Variants in CALN1 observed in about 807,000 individuals in gnomAD.
CALN1 encodes calcium-binding protein 8.
Under a neutral mutation model 30.6 loss-of-function variants are expected in CALN1, and 17 were observed. That is an observed-to-expected ratio of 0.56 (90% CI 0.38 to 0.83). CALN1 has a LOEUF of 0.83. CALN1 is among the 40% of genes least tolerant of loss of function. The pLI, the probability that CALN1 is intolerant of heterozygous loss-of-function variation, is 0.00. For synonymous variants in CALN1, 156 were observed against 131.4 expected (o/e 1.19, Z -1.28); for missense variants, 291 against 354.9 (o/e 0.82, Z 1.45).
intron 3 of CALN1, among the ~76,000 whole-genome samples, chr7:72,156,027 A>G (rs977729708): frequency 6.6e-6 from 1 of 152,178 alleles, no homozygotes; most frequent in African/African-American, 2.4e-5. Context: ...TCACATCTGC[A>G]AAGTCCCTTT....
At chr7:71,899,910 G>T (rs932014650) in intron 5 of CALN1, among the ~76,000 whole-genome samples, 5 of 152,074 alleles carry the variant, frequency 3.3e-5, no homozygotes, top group African/African-American at 1.2e-4. Context: ...AAGGACTGAA[G>T]AATTTAATGT....
intron 3 of CALN1, among the ~76,000 whole-genome samples, chr7:72,244,429 C>T (rs1420589236): frequency 6.6e-6 from 1 of 152,084 alleles, no homozygotes; most frequent in Non-Finnish European, 1.5e-5. Flanking sequence ...GAAAAATAAG[C>T]GTGTTCCTGC....
At position 72,010,386 on chromosome 7, in the gene CALN1, T is replaced by C. The variant is rs188965799; in HGVS notation, c.501+13271A>G. ...TCTTGTTTATAAGCTACCTGGTCTG[T>C]AGTATTTAGTTACTGCAGCCGAAAC... On this transcript the variant is annotated intron_variant, in intron 5 of 6. Coordinates refer to ENST00000395275, the MANE Select transcript of CALN1 (RefSeq NM_031468.4). Among the ~76,000 whole-genome samples the C allele has an allele frequency of 2.8e-4, 43 of 152,292 alleles. No homozygotes were observed. In the East Asian group the frequency reaches 7.3e-3, roughly 26 times the overall value.
chr7:71,798,728 T>C (rs1435816646), intron 6 of CALN1, among the ~76,000 whole-genome samples: 1 of 150,730 alleles, frequency 6.6e-6, no homozygotes, highest in East Asian at 2.0e-4. Flanking sequence ...TTCAAGCAAT[T>C]CTCCTGCCTC....
chr7:72,047,480 T>C (rs1325520615), intron 4 of CALN1, among the ~76,000 whole-genome samples: 1 of 152,040 alleles, frequency 6.6e-6, no homozygotes, highest in East Asian at 1.9e-4. Context: ...TCCCAGCTAC[T>C]TGGGAGGCTG....
Position 71,901,037 on chromosome 7 carries a change from G to A in CALN1, c.502-90545C>T, listed in dbSNP as rs148227824. On this transcript the variant is annotated intron_variant, in intron 5 of 6. Transcript: ENST00000395275. Reference sequence around the variant, plus strand: ...CTGTCTCATTCTTGAGCAGCCCACCGGACCCAGCTATCCGAGTGTACTTTT... The same window carrying A: ...CTGTCTCATTCTTGAGCAGCCCACCAGACCCAGCTATCCGAGTGTACTTTT... 3.3e-4 allele frequency among the ~76,000 whole-genome samples: 50 copies of A among 152,158 alleles called. No individual in the cohort carries two copies. The East Asian group carries it at 8.7e-3, about 26-fold the overall frequency.
chr7:72,425,208 G>A (rs1343338466), intron 1 of CALN1, among the ~76,000 whole-genome samples: 3 of 152,114 alleles, frequency 2.0e-5, no homozygotes, highest in Non-Finnish European at 4.4e-5. Flanking sequence ...CCACCTTCCT[G>A]GTTCAAGTGA....
At chr7:72,238,891 A>C (rs933890847) in intron 3 of CALN1, among the ~76,000 whole-genome samples, 5 of 152,144 alleles carry the variant, frequency 3.3e-5, no homozygotes, top group African/African-American at 1.2e-4. Context: ...GTGTCATAGA[A>C]AAAGAAAAGA....
At chr7:72,004,229 C>T (rs569435046) in intron 5 of CALN1, among the ~76,000 whole-genome samples, 13 of 152,148 alleles carry the variant, frequency 8.5e-5, no homozygotes, top group African/African-American at 1.7e-4. Flanking sequence ...AATACACCCA[C>T]ATAAATATGC....
At chr7:72,405,503 T>C (rs541033377) in intron 1 of CALN1, among the ~76,000 whole-genome samples, 2 of 152,214 alleles carry the variant, frequency 1.3e-5, no homozygotes, top group Admixed American at 6.5e-5. Flanking sequence ...CACACCCACA[T>C]GGCTCCCACG....
chr7:72,030,093 T>C (rs138713779), intron 4 of CALN1, among the ~76,000 whole-genome samples: 59 of 152,350 alleles, frequency 3.9e-4, no homozygotes, highest in African/African-American at 1.3e-3. Flanking sequence ...AATTTAATTG[T>C]AGGACATCCA....
chr7:71,982,114 T>C (rs992537077), intron 5 of CALN1, among the ~76,000 whole-genome samples: 17 of 152,148 alleles, frequency 1.1e-4, no homozygotes, highest in Non-Finnish European at 1.9e-4. Context: ...GCTGTTTTGG[T>C]TCTTCTTTGT....
At chr7:72,388,617 T>TA (rs1380816168) in intron 2 of CALN1, among the ~76,000 whole-genome samples, 8 of 152,168 alleles carry the variant, frequency 5.3e-5, no homozygotes, top group Non-Finnish European at 1.0e-4. Context: ...AAAACCGTTC[T>TA]AAAAAAAGTT....
chr7:72,396,858 AT>A, intron 2 of CALN1, among the ~76,000 whole-genome samples: 1 of 152,254 alleles, frequency 6.6e-6, no homozygotes, highest in Middle Eastern at 3.4e-3. Flanking sequence ...AGTATATAGG[AT>A]CATCTATCTG....
At chr7:72,105,801 GGGA>G (rs1417237322) in intron 4 of CALN1, among the ~76,000 whole-genome samples, 3 of 112,702 alleles carry the variant, frequency 2.7e-5, no homozygotes, top group Admixed American at 1.8e-4. Context: ...GAGGGAGGGA[GGGA>G]GGAGGAGGAG....
rs891033190 is a variant in CALN1, at chr7:72,363,864, A to G, written c.119+39387T>C. ...ATTCTCTTGCCTCAGCCTCCCAAGT[A>G]GCTGCGATTACAGGCAGGCACCACC... On this transcript the variant is annotated intron_variant, in intron 2 of 6. Coordinates refer to ENST00000395275, the MANE Select transcript of CALN1 (RefSeq NM_031468.4). Among the ~76,000 whole-genome samples, 8 of 150,616 alleles carry G rather than the reference A, an allele frequency of 5.3e-5. No individual in the cohort carries two copies. The East Asian group carries it at 1.6e-3, about 30-fold the overall frequency.
intron 3 of CALN1, among the ~76,000 whole-genome samples, chr7:72,209,378 C>CTCTT (rs1562740464): frequency 5.4e-4 from 17 of 31,674 alleles, no homozygotes; most frequent in Non-Finnish European, 6.1e-4. Flanking sequence ...CCCTCCTTCC[C>CTCTT]TCCTTCCCTC....
intron 4 of CALN1, among the ~76,000 whole-genome samples, chr7:72,054,461 AT>A (rs1803079930): frequency 1.3e-5 from 1 of 77,400 alleles, no homozygotes; most frequent in African/African-American, 4.4e-5. Flanking sequence ...ATATATACAT[AT>A]ATATACATAT....
At chr7:71,980,520 A>G (rs1438294754) in intron 5 of CALN1, among the ~76,000 whole-genome samples, 1 of 152,046 alleles carries the variant, frequency 6.6e-6, no homozygotes, top group Non-Finnish European at 1.5e-5. Context: ...ACCACTTTAC[A>G]ATGGCATAGT....
Sources: allele counts gnomAD v4.1 joint callset (sites outside exome capture counted in the v4.1 genomes callset), GRCh38; gene constraint gnomAD v4.1.1; transcripts MANE v1.5; gene names NCBI Gene and HGNC (gene_info 2026-07-23, HGNC 2026-07-21).